The following PLXNC1 variants were observed in gnomAD, a reference collection of about 807,000 sequenced individuals.
The protein encoded by PLXNC1 is plexin C1.
PLXNC1 carries 75 observed loss-of-function variants against 178.2 expected under a neutral mutation model. That is an observed-to-expected ratio of 0.42 (90% CI 0.35 to 0.51). The LOEUF (loss-of-function observed/expected upper bound fraction) is 0.51, where lower values mean the gene tolerates loss of function less well. Ranked by LOEUF, PLXNC1 falls within the 20% of genes least tolerant of loss-of-function variation. PLXNC1 has a pLI of 0.02. For missense variants in PLXNC1, 1,503 were observed against 1,984.4 expected (o/e 0.76, Z 4.61); for synonymous variants, 790 against 779.9 (o/e 1.01, Z -0.22).
chr12:94,202,714 C>T (rs554323568), intron 4 of PLXNC1, among the ~76,000 whole-genome samples: 72 of 152,302 alleles, frequency 4.7e-4, no homozygotes, highest in African/African-American at 1.7e-3. Context: ...CAAATGCCTG[C>T]TCTCCACGAG....
rs188384065 is a variant in PLXNC1 at position 94,262,563 on chromosome 12, G to A, written c.3450+1723G>A. On this transcript the variant is annotated intron_variant, in intron 20 of 30. Coordinates refer to ENST00000258526, the MANE Select transcript of PLXNC1 (RefSeq NM_005761.3). ...GCGTCTCGAGCACTCTGAGTGGTGA[G>A]GGGGCGGCTCGGCTCGCCAGGAGGA... The A allele has an allele frequency of 1.2e-3, 1,224 of 985,440 alleles. 10 individuals carry two copies. In the African/African-American group the frequency reaches 0.02, roughly 16 times the overall value. 61.0% of individuals were successfully genotyped at this position (985,440 alleles called of 1,614,324 possible).
rs1962643944 is a variant in PLXNC1, at chr12:94,189,533, A to G, written c.1439+3060A>G. ...CATCTCTACAAAAAATATGAACATT[A>G]GCTGAGTGTGGTGGTATGTGCTTCT... On this transcript the variant is annotated intron_variant, in intron 4 of 30. Coordinates refer to ENST00000258526, the MANE Select transcript of PLXNC1 (RefSeq NM_005761.3). Among the ~76,000 whole-genome samples the G allele has an allele frequency of 3.9e-5, 6 of 152,122 alleles. No homozygotes were observed. In the South Asian group the frequency reaches 1.2e-3, roughly 32 times the overall value.
intron 9 of PLXNC1, among the ~76,000 whole-genome samples, 189 bp from the exon 10 acceptor site, chr12:94,237,475 T>C (rs530910197): frequency 6.6e-6 from 1 of 152,348 alleles, no homozygotes; most frequent in African/African-American, 2.4e-5. Flanking sequence ...TGCTGTCACA[T>C]GTTGAGAGAC....
chr12:94,259,527 G>T, intron 18 of PLXNC1, 83 bp from the exon 19 acceptor site: 1 of 1,205,670 alleles, frequency 8.3e-7, no homozygotes, highest in Non-Finnish European at 1.1e-6. Flanking sequence ...CATTGTCTTG[G>T]AAAACCCATT....
At chr12:94,187,194 A>G (rs563496479) in intron 4 of PLXNC1, among the ~76,000 whole-genome samples, 59 of 147,168 alleles carry the variant, frequency 4.0e-4, no homozygotes, top group East Asian at 3.6e-3. Context: ...GAGAGAGAGA[A>G]AAAAAAACCC....
At chr12:94,225,604 G>C (rs1214714380) in intron 7 of PLXNC1, among the ~76,000 whole-genome samples, 3 of 152,112 alleles carry the variant, frequency 2.0e-5, no homozygotes, top group African/African-American at 4.8e-5. Context: ...TAGCTCCCCC[G>C]ATGCCCACTT....
At chr12:94,293,210 G>A (rs879897004) in intron 23 of PLXNC1, among the ~76,000 whole-genome samples, 1 of 152,126 alleles carries the variant, frequency 6.6e-6, no homozygotes, top group Non-Finnish European at 1.5e-5. Context: ...GTATAAATAT[G>A]CCCCAAATTA....
intron 1 of PLXNC1, among the ~76,000 whole-genome samples, chr12:94,167,733 A>G (rs916543076): frequency 2.6e-5 from 4 of 152,226 alleles, no homozygotes; most frequent in African/African-American, 9.6e-5. Flanking sequence ...CATGAAAAGT[A>G]TCTTTCAACA....
chr12:94,259,882 G>C, intron 19 of PLXNC1, 148 bp downstream of exon 19: 38 of 299,218 alleles, frequency 1.3e-4, no homozygotes, highest in Non-Finnish European at 1.2e-4. Flanking sequence ...GACCAACACA[G>C]CAAAACCTTG....
chr12:94,294,855 G>GAT (rs1311879054), intron 24 of PLXNC1, among the ~76,000 whole-genome samples: 1 of 152,110 alleles, frequency 6.6e-6, no homozygotes, highest in African/African-American at 2.4e-5. Flanking sequence ...GCCTAACAGA[G>GAT]GAGATCCCCC....
chr12:94,215,039 G>A (rs570858361), intron 5 of PLXNC1, among the ~76,000 whole-genome samples: 22 of 152,212 alleles, frequency 1.4e-4, no homozygotes, highest in African/African-American at 5.3e-4. Context: ...TGGGATTACA[G>A]GTGCCCACCA....
chr12:94,239,087 T>C (rs1039263167), intron 10 of PLXNC1, among the ~76,000 whole-genome samples: 10 of 152,222 alleles, frequency 6.6e-5, no homozygotes, highest in Non-Finnish European at 1.3e-4. Flanking sequence ...TATGTTCTCA[T>C]TTTAATTCCG....
chr12:94,288,224 G>A (rs1279972644), intron 23 of PLXNC1, among the ~76,000 whole-genome samples: 2 of 152,228 alleles, frequency 1.3e-5, no homozygotes, highest in African/African-American at 2.4e-5. Flanking sequence ...GTGTCTGTGA[G>A]TTTATCAAAA....
rs139278274 is a variant in PLXNC1, at chr12:94,226,680, C to T, written c.1866C>T (p.Cys622=). ...ARRCIHPFTA[C]DPSDYERNQE... is the part of the protein sequence containing the mutation. ...GGTGTATCCACCCCTTCACAGCTTG[C>T]GACCCTTCTGATTATGAGAGAAACC... Residue 622 remains cysteine (C), a synonymous_variant, in exon 8 of 31, where the codon TGC becomes TGT. Transcript: ENST00000258526. The T allele has an allele frequency of 5.0e-5, 80 of 1,612,714 alleles. No homozygotes were observed. The African/African-American group carries it at 8.0e-4, about 16-fold the overall frequency.
At chr12:94,286,268 A>G (rs1018689546) in intron 23 of PLXNC1, among the ~76,000 whole-genome samples, 2 of 152,196 alleles carry the variant, frequency 1.3e-5, no homozygotes, top group African/African-American at 4.8e-5. Flanking sequence ...AAGCTAAGCC[A>G]TAAGGCAAAT....
chr12:94,226,612 G>A lies in PLXNC1; in HGVS notation c.1798G>A (p.Ala600Thr), dbSNP rs1963945807. ...TNCSSLKECP[A>T]CVETGCAWCK... ...AGTTTTCTGTGTTGCTAGATGCCCAGCATGCGTAGAAACTGGCTGCGCGTG... is the reference window on the plus strand; with the variant it reads ...AGTTTTCTGTGTTGCTAGATGCCCAACATGCGTAGAAACTGGCTGCGCGTG... The change falls in exon 8 of 31, where the codon GCA becomes ACA. Residue 600 changes from alanine to threonine, a missense_variant. This residue lies in a region of PLXNC1 where 615 missense variants were observed against 698.6 expected (regional missense o/e 0.88). Transcript: ENST00000258526. 1 of 1,611,666 alleles carries A rather than the reference G, an allele frequency of 6.2e-7. No homozygotes were observed. The highest frequency in any genetic ancestry group is 1.3e-5 in the African/African-American group (1 of 74,792).
intron 21 of PLXNC1, 124 bp downstream of exon 21, chr12:94,265,349 T>C: frequency 5.0e-6 from 4 of 805,326 alleles, no homozygotes; most frequent in East Asian, 2.5e-5. Context: ...GTGTGTTTAG[T>C]TAATTAAAAA....
At chr12:94,300,301 C>T (rs1968338923) in intron 27 of PLXNC1, among the ~76,000 whole-genome samples, 1 of 152,166 alleles carries the variant, frequency 6.6e-6, no homozygotes, top group Non-Finnish European at 1.5e-5. Context: ...GAGATGGTGA[C>T]ACTTGAACCA....
chr12:94,189,720 G>A (rs1962655003), intron 4 of PLXNC1, among the ~76,000 whole-genome samples: 1 of 152,092 alleles, frequency 6.6e-6, no homozygotes, highest in South Asian at 2.1e-4. Flanking sequence ...ATTGGAAAGG[G>A]GAATTATTGG....
Sources: allele counts gnomAD v4.1 joint callset (sites outside exome capture counted in the v4.1 genomes callset), GRCh38; gene constraint gnomAD v4.1.1; regional missense constraint gnomAD v4.1.1; transcripts MANE v1.5; gene names NCBI Gene and HGNC (gene_info 2026-07-23, HGNC 2026-07-21).